WDTC1: variants seen among roughly 807,000 people sequenced by gnomAD.
The protein encoded by WDTC1 is WD and tetratricopeptide repeats 1.
Under a neutral mutation model 76.0 loss-of-function variants are expected in WDTC1, and 12 were observed. The observed-to-expected ratio is 0.16, with a 90% CI of 0.10 to 0.26. The LOEUF (loss-of-function observed/expected upper bound fraction) is 0.26. WDTC1 is among the 10% of genes least tolerant of loss of function. The probability of loss-of-function intolerance (pLI) is 1.00; values close to 1 mark genes in which losing one functional copy is unlikely to be tolerated. For synonymous variants in WDTC1, 326 were observed against 350.8 expected (o/e 0.93, Z 0.79); for missense variants, 511 against 908.8 (o/e 0.56, Z 5.63).
At chr1:27,243,177 G>A (rs2011683672) in intron 1 of WDTC1, among the ~76,000 whole-genome samples, 1 of 150,458 alleles carries the variant, frequency 6.6e-6, no homozygotes. Context: ...ACAGGTGTGA[G>A]CCGCTGCTCC....
At chr1:27,267,073 C>T (rs1013980843) in intron 3 of WDTC1, among the ~76,000 whole-genome samples, 5 of 152,110 alleles carry the variant, frequency 3.3e-5, no homozygotes, top group African/African-American at 1.2e-4. Flanking sequence ...CTGTAGCTTC[C>T]GCCTTAATAA....
intron 3 of WDTC1, among the ~76,000 whole-genome samples, chr1:27,263,454 G>A (rs2012551918): frequency 6.6e-6 from 1 of 151,990 alleles, no homozygotes; most frequent in South Asian, 2.1e-4. Flanking sequence ...TATTTTTTGA[G>A]ATGAAGTCTC....
intron 6 of WDTC1, among the ~76,000 whole-genome samples, chr1:27,290,599 T>C (rs1464825654): frequency 2.0e-5 from 3 of 152,194 alleles, no homozygotes; most frequent in African/African-American, 7.2e-5. Context: ...CCGGAAATGG[T>C]AAAATGGACT....
At chr1:27,265,446 T>C (rs1389810760) in intron 3 of WDTC1, among the ~76,000 whole-genome samples, 1 of 152,186 alleles carries the variant, frequency 6.6e-6, no homozygotes, top group Non-Finnish European at 1.5e-5. Flanking sequence ...ATTAAGAATA[T>C]GCCAGCCTGG....
intron 3 of WDTC1, among the ~76,000 whole-genome samples, chr1:27,275,315 C>T (rs1028473338): frequency 6.6e-6 from 1 of 152,074 alleles, no homozygotes; most frequent in African/African-American, 2.4e-5. Flanking sequence ...CATAGTGTAA[C>T]CTTATTCTAA....
intron 9 of WDTC1, 28 bp downstream of exon 9, chr1:27,294,657 C>T (rs961288972): frequency 6.3e-7 from 1 of 1,599,114 alleles, no homozygotes; most frequent in Non-Finnish European, 8.6e-7. Flanking sequence ...TGGTTCTGCC[C>T]CATCACCATT....
At chr1:27,271,847 G>T (rs1246271847) in intron 3 of WDTC1, among the ~76,000 whole-genome samples, 1 of 150,396 alleles carries the variant, frequency 6.6e-6, no homozygotes, top group Non-Finnish European at 1.5e-5. Flanking sequence ...ATGTTGGTCA[G>T]GCTGGTCTCG....
At chr1:27,238,448 T>C (rs1167820322) in intron 1 of WDTC1, among the ~76,000 whole-genome samples, 3 of 152,138 alleles carry the variant, frequency 2.0e-5, no homozygotes, top group Non-Finnish European at 2.9e-5. Flanking sequence ...GAGTTACCCA[T>C]CATTGCAGAT....
rs1165078633 is a variant in WDTC1, at chr1:27,275,015, A to T, written c.133-7224A>T. 2.0e-5 allele frequency among the ~76,000 whole-genome samples: 3 copies of T among 152,230 alleles called. No homozygotes were observed. In the East Asian group the frequency reaches 5.8e-4, roughly 29 times the overall value. On this transcript the variant is annotated intron_variant, in intron 3 of 15. Transcript: ENST00000319394. ...TCAGGCTTATCTGGCTGCAGAGTTC[A>T]TATCCTTTCCACCTCAACCATATGT...
intron 2 of WDTC1, among the ~76,000 whole-genome samples, chr1:27,262,444 AGTGG>A (rs1414024175): frequency 3.3e-5 from 5 of 151,634 alleles, no homozygotes; most frequent in Non-Finnish European, 5.9e-5. Flanking sequence ...GCTGGAGTGC[AGTGG>A]CATGATCTTG....
At chr1:27,246,848 C>T (rs974782733) in intron 1 of WDTC1, among the ~76,000 whole-genome samples, 3 of 150,986 alleles carry the variant, frequency 2.0e-5, no homozygotes, top group Non-Finnish European at 4.4e-5. Context: ...AGGCGTGAGC[C>T]ACCACGCCCA....
chr1:27,297,949 A>G lies in WDTC1; in HGVS notation c.1070A>G (p.Glu357Gly), dbSNP rs778584369. ...TATTTCCCCTGCAGCCCCCAAGTAG[A>G]GCTACCACCATACCTGGAGCGTGTG... Reference protein sequence around the residue: ...ESRGHVSPQVELPPYLERVKQ... With the variant: ...ESRGHVSPQVGLPPYLERVKQ... The change falls in exon 12 of 16, where the codon GAG becomes GGG. Residue 357 changes from glutamate (E) to glycine (G), a missense_variant. Glu to Gly is a moderately conservative substitution (Grantham distance 98, BLOSUM62 -2). Transcript: ENST00000319394. 1.2e-6 allele frequency: 2 copies of G among 1,611,202 alleles called. No individual in the cohort carries two copies. The highest frequency in any genetic ancestry group is 2.2e-5 in the South Asian group (2 of 90,816).
At chr1:27,248,076 C>T (rs983119227) in intron 1 of WDTC1, among the ~76,000 whole-genome samples, 1 of 152,190 alleles carries the variant, frequency 6.6e-6, no homozygotes, top group Non-Finnish European at 1.5e-5. Context: ...GATTCCATGT[C>T]TTGCTTATTG....
chr1:27,306,224 G>C lies in WDTC1; in HGVS notation c.1875G>C (p.Glu625Asp). ...CAGGCCGAGTCGTGGAAGATATGGA[G>C]GGTGCTTCACAGGCCAACCAGCGGC... ...DLTGRVVEDM[E>D]GASQANQRRM... is the part of the protein sequence containing the mutation. The change falls in exon 16 of 16, where the codon GAG becomes GAC. Residue 625 changes from glutamate to aspartate, a missense_variant. Coordinates refer to ENST00000319394, the MANE Select transcript of WDTC1 (RefSeq NM_001276252.2). The surrounding 1 kb of genome is among the most constrained non-coding windows in gnomAD (Gnocchi z 5.0). The C allele has an allele frequency of 6.2e-7, 1 of 1,614,172 alleles. No homozygotes were observed. The highest frequency in any genetic ancestry group is 1.1e-5 in the South Asian group (1 of 91,084).
Position 27,303,498 on chromosome 1 carries a change from A to T in WDTC1, c.1469-123A>T. The stretch of plus-strand genomic sequence containing the variant: ...AACCTTTCCCCAGTTTTCCAGGATA[A>T]GGGTGGAGGCAGGTAGCTCTATGTT... On this transcript the variant is annotated intron_variant, in intron 13 of 15. Transcript: ENST00000319394. This position sits in a 1 kb window ranked among gnomAD's most constrained non-coding sequence, Gnocchi z 4.8. 8.2e-7 allele frequency: 1 copy of T among 1,217,064 alleles called. No individual in the cohort carries two copies. Among genetic ancestry groups the T allele is most frequent in the South Asian group, 1.8e-5 (1 of 55,526 alleles). The allele number at this position is 1,217,064 out of a possible 1,614,324, so 75.4% of individuals were successfully genotyped here.
At chr1:27,269,842 C>G (rs539920321) in intron 3 of WDTC1, among the ~76,000 whole-genome samples, 2 of 151,890 alleles carry the variant, frequency 1.3e-5, no homozygotes, top group South Asian at 4.2e-4. Context: ...GAACGCCTGA[C>G]CTTGTGATCC....
At position 27,235,616 on chromosome 1, in the gene WDTC1, G is replaced by A. The variant is rs12025622; in HGVS notation, c.-100+665G>A. Among the ~76,000 whole-genome samples the A allele has an allele frequency of 7.2e-5, 11 of 152,022 alleles. No individual in the cohort carries two copies. The South Asian group carries it at 8.3e-4, about 11-fold the overall frequency. On this transcript the variant is annotated intron_variant, in intron 1 of 15. Coordinates refer to ENST00000319394, the MANE Select transcript of WDTC1 (RefSeq NM_001276252.2). ...ATAGAAGAGAGACTGCGAACCAGCA[G>A]GATCCACTTCTTGGACTGAAAGCCG...
intron 6 of WDTC1, among the ~76,000 whole-genome samples, chr1:27,289,374 C>G (rs1029103604): frequency 2.0e-5 from 3 of 150,292 alleles, no homozygotes; most frequent in Non-Finnish European, 3.0e-5. Flanking sequence ...CGCTCTTCAC[C>G]TCCCAGACGG....
At chr1:27,252,224 G>A (rs1157585512) in intron 1 of WDTC1, among the ~76,000 whole-genome samples, 1 of 151,978 alleles carries the variant, frequency 6.6e-6, no homozygotes, top group Non-Finnish European at 1.5e-5. Context: ...GCACACACAT[G>A]TGGTCCCAGC....
Sources: gnomAD v4.1 joint callset for allele counts (sites outside exome capture counted in the v4.1 genomes callset) on GRCh38, gnomAD v4.1.1 for gene constraint, Gnocchi (gnomAD v3.1) non-coding constraint, MANE v1.5 for transcripts, NCBI Gene and HGNC (gene_info 2026-07-23, HGNC 2026-07-21) for gene names.